SLC7A11: variants seen among roughly 807,000 people sequenced by gnomAD.
SLC7A11 encodes the protein cystine/glutamate transporter.
SLC7A11 carries 35 observed loss-of-function variants against 54.5 expected under a neutral mutation model. The observed-to-expected ratio is 0.64, with a 90% CI of 0.49 to 0.85. SLC7A11 has a LOEUF of 0.85. SLC7A11 is among the 40% of genes least tolerant of loss of function. SLC7A11 has a pLI of 0.00. For synonymous variants in SLC7A11, 230 were observed against 225.2 expected (o/e 1.02, Z -0.19); for missense variants, 583 against 618.1 (o/e 0.94, Z 0.60).
In SLC7A11 at chr4:138,200,726, T is replaced by G. The variant is rs189983327; in HGVS notation, c.791+13859A>C. Among the ~76,000 whole-genome samples, 7 of 152,234 alleles carry G rather than the reference T, an allele frequency of 4.6e-5. No homozygotes were observed. The East Asian group carries it at 1.2e-3, about 25-fold the overall frequency. On this transcript the variant is annotated intron_variant, in intron 6 of 11. Transcript: ENST00000280612. ...AAGGGTTGTGAATTTTGATGGTTCC[T>G]CCCCTCCTAACTCTAACATCACAGG...
At chr4:138,211,001 C>T (rs907375310) in intron 6 of SLC7A11, among the ~76,000 whole-genome samples, 2 of 151,900 alleles carry the variant, frequency 1.3e-5, no homozygotes, top group Non-Finnish European at 2.9e-5. Context: ...AACTTTAGTT[C>T]CCATCAAAAG....
intron 6 of SLC7A11, among the ~76,000 whole-genome samples, chr4:138,191,390 C>T (rs1375960578): frequency 6.6e-6 from 1 of 151,980 alleles, no homozygotes; most frequent in African/African-American, 2.4e-5. Flanking sequence ...TGAAGAACTC[C>T]ATAAAAGAAG....
At chr4:138,228,562 T>C (rs1474647725) in intron 3 of SLC7A11, among the ~76,000 whole-genome samples, 1 of 151,600 alleles carries the variant, frequency 6.6e-6, no homozygotes, top group Non-Finnish European at 1.5e-5. Context: ...ATCGAGACCA[T>C]CCTGGCTAAC....
intron 4 of SLC7A11, among the ~76,000 whole-genome samples, chr4:138,219,807 C>T (rs1317127117): frequency 1.3e-5 from 2 of 152,006 alleles, no homozygotes; most frequent in Admixed American, 6.6e-5. Flanking sequence ...GAAATAAATC[C>T]CAGGACTCCT....
intron 6 of SLC7A11, among the ~76,000 whole-genome samples, chr4:138,185,560 C>T (rs1250759447): frequency 6.6e-6 from 1 of 152,118 alleles, no homozygotes; most frequent in Non-Finnish European, 1.5e-5. Flanking sequence ...GAATCACCTG[C>T]AGGGCTTGTT....
chr4:138,219,646 A>T (rs1324622542), intron 4 of SLC7A11, among the ~76,000 whole-genome samples: 1 of 152,226 alleles, frequency 6.6e-6, no homozygotes, highest in Non-Finnish European at 1.5e-5. Flanking sequence ...CTCTATTGTG[A>T]CCATAAAAGA....
chr4:138,184,061 G>A (rs570811016), intron 7 of SLC7A11, among the ~76,000 whole-genome samples: 5 of 152,288 alleles, frequency 3.3e-5, no homozygotes, highest in Admixed American at 3.3e-4. Context: ...AAGAAAATGT[G>A]TTGGATTCAT....
chr4:138,214,471 C>T lies in SLC7A11; in HGVS notation c.791+114G>A, dbSNP rs146045480. The T allele has an allele frequency of 2.3e-3, 1,133 of 497,094 alleles. 13 individuals carry two copies. Among genetic ancestry groups the T allele is most frequent in the African/African-American group, 0.021 (1,017 of 48,776 alleles). The allele number at this position is 497,094 out of a possible 1,614,324, so 30.8% of individuals were successfully genotyped here. A position where few individuals can be genotyped will look rare whatever the true frequency, so the allele number is the denominator to read the frequency against. On this transcript the variant is annotated intron_variant, in intron 6 of 11. Coordinates refer to ENST00000280612, the MANE Select transcript of SLC7A11 (RefSeq NM_014331.4). ...AAGAGAATTATAGTGATGATGATGA[C>T]GATGTTAAGGTTGACTAGCCCACAC...
At chr4:138,239,597 A>G (rs1007582493) in intron 1 of SLC7A11, among the ~76,000 whole-genome samples, 2 of 152,232 alleles carry the variant, frequency 1.3e-5, no homozygotes, top group Non-Finnish European at 2.9e-5. Context: ...ATACAAGAGC[A>G]CACTCCCTGC....
chr4:138,209,808 G>T (rs939726637), intron 6 of SLC7A11, among the ~76,000 whole-genome samples: 1 of 151,910 alleles, frequency 6.6e-6, no homozygotes, highest in Non-Finnish European at 1.5e-5. Context: ...CATTAAAATG[G>T]CAGTACTGCC....
chr4:138,234,574 T>A (rs1430920412), intron 2 of SLC7A11, among the ~76,000 whole-genome samples: 3 of 152,086 alleles, frequency 2.0e-5, no homozygotes, highest in Non-Finnish European at 2.9e-5. Context: ...TTTTTTTTTT[T>A]AAATTAAAGT....
intron 3 of SLC7A11, among the ~76,000 whole-genome samples, chr4:138,231,586 A>C (rs1738081179): frequency 6.6e-6 from 1 of 152,276 alleles, no homozygotes; most frequent in African/African-American, 2.4e-5. Context: ...CCCATATTTA[A>C]GGATTTGGTA....
At chr4:138,218,614 G>A (rs1458496725) in intron 5 of SLC7A11, among the ~76,000 whole-genome samples, 4 of 152,104 alleles carry the variant, frequency 2.6e-5, no homozygotes, top group Non-Finnish European at 4.4e-5. Flanking sequence ...ATCACAGGTG[G>A]ACATACATCA....
Position 138,214,166 on chromosome 4 carries a change from C to T in SLC7A11, c.791+419G>A, listed in dbSNP as rs139560384. 5.8e-3 allele frequency among the ~76,000 whole-genome samples: 889 copies of T among 152,000 alleles called. 7 individuals are homozygous for T. The highest frequency in any genetic ancestry group is 9.9e-3 in the Non-Finnish European group (673 of 67,912). On this transcript the variant is annotated intron_variant, in intron 6 of 11. Transcript: ENST00000280612. ...AACTAGTCGTCTATTAATTACATTACTCACTTTAATTCGATAGTTATGAAA... is the reference window on the plus strand; with the variant it reads ...AACTAGTCGTCTATTAATTACATTATTCACTTTAATTCGATAGTTATGAAA...
Position 138,166,660 on chromosome 4 carries a change from T to C in SLC7A11, c.*5296A>G, listed in dbSNP as rs571900995. 2 of 152,746 alleles carry C rather than the reference T, an allele frequency of 1.3e-5. No individual in the cohort carries two copies. The highest frequency in any genetic ancestry group is 3.9e-4 in the East Asian group (2 of 5,186). 9.5% of individuals were successfully genotyped at this position (152,746 alleles called of 1,614,324 possible). Reference sequence around the variant, plus strand: ...ACAGTTTTGTGAGAGAATTGTTAACTGTAAAGCTGTAAAGGCGGTTATTGG... The same window carrying C: ...ACAGTTTTGTGAGAGAATTGTTAACCGTAAAGCTGTAAAGGCGGTTATTGG... On this transcript the variant is annotated 3_prime_UTR_variant, in exon 12 of 12. Coordinates refer to ENST00000280612, the MANE Select transcript of SLC7A11 (RefSeq NM_014331.4).
At chr4:138,235,898 A>C (rs534390972) in intron 2 of SLC7A11, among the ~76,000 whole-genome samples, 1 of 152,358 alleles carries the variant, frequency 6.6e-6, no homozygotes, top group African/African-American at 2.4e-5. Context: ...TGTGAGGCAC[A>C]GAAGTGTCTT....
Position 138,170,258 on chromosome 4 carries a change from A to ATGTATATATATATGTATATATATATG in SLC7A11, c.*1697_*1698insCATATATATATACATATATATATACA, listed in dbSNP as rs1736385925. 2.1e-5 allele frequency: 2 copies of ATGTATATATATATGTATATATATATG among 95,352 alleles called. No individual in the cohort carries two copies. The highest frequency in any genetic ancestry group is 7.3e-5 in the African/African-American group (2 of 27,332). 5.9% of individuals were successfully genotyped at this position (95,352 alleles called of 1,614,324 possible). A position where few individuals can be genotyped will look rare whatever the true frequency, so the allele number is the denominator to read the frequency against. ...AGTGTGTGTGTGTGTGTGTATATAT[A>ATGTATATATATATGTATATATATATG]TATATATATATATACACACACACAC... On this transcript the variant is annotated 3_prime_UTR_variant, in exon 12 of 12. Coordinates refer to ENST00000280612, the MANE Select transcript of SLC7A11 (RefSeq NM_014331.4).
rs1737635308 is a variant in SLC7A11 at position 138,214,613 on chromosome 4, C to A, written c.763G>T (p.Val255Phe). ...TCAGGGTTTTCTACTTCTTCAGTAA[C>A]AAAGTTGAGGTAAAACCTAAAAATA... ...AYAGWFYLNFVTEEVENPEKT... is the reference protein window; with the variant it reads ...AYAGWFYLNFFTEEVENPEKT... Residue 255 changes from valine to phenylalanine, a missense_variant, in exon 6 of 12, where the codon GTT becomes TTT. By Grantham distance (50) the Val-to-Phe change is conservative (BLOSUM62 -1). Transcript: ENST00000280612. The A allele has an allele frequency of 2.8e-6, 4 of 1,425,274 alleles. No homozygotes were observed. The highest frequency in any genetic ancestry group is 3.8e-6 in the Non-Finnish European group (4 of 1,048,710). The allele number at this position is 1,425,274 out of a possible 1,614,324, so 88.3% of individuals were successfully genotyped here. A position where few individuals can be genotyped will look rare whatever the true frequency, so the allele number is the denominator to read the frequency against.
intron 6 of SLC7A11, among the ~76,000 whole-genome samples, chr4:138,195,967 T>A (rs1174016256): frequency 6.6e-6 from 1 of 152,090 alleles, no homozygotes; most frequent in Non-Finnish European, 1.5e-5. Context: ...TTATTTTTTA[T>A]TATTTTTATT....
Sources: gnomAD v4.1 joint callset for allele counts (sites outside exome capture counted in the v4.1 genomes callset) on GRCh38, gnomAD v4.1.1 for gene constraint, MANE v1.5 for transcripts, NCBI Gene and HGNC (gene_info 2026-07-23, HGNC 2026-07-21) for gene names.